Variants in WWOX observed in about 807,000 individuals in gnomAD.
The protein encoded by WWOX is WW domain-containing oxidoreductase.
Under a neutral mutation model 46.2 loss-of-function variants are expected in WWOX, and 69 were observed. That is an observed-to-expected ratio of 1.49 (90% CI 1.23 to 1.82). The LOEUF is 1.82. WWOX is among the 40% of genes most tolerant of loss of function. The pLI, the probability that WWOX is intolerant of heterozygous loss-of-function variation, is 0.00. For missense variants in WWOX, 919 were observed against 542.6 expected, an observed-to-expected ratio of 1.69 and a Z score of -6.89; for synonymous variants, 359 against 202.6, an observed-to-expected ratio of 1.77 and a Z score of -6.56.
chr16:78,503,347 C>T (rs568402345), intron 8 of WWOX, among the ~76,000 whole-genome samples: 2 of 152,152 alleles, frequency 1.3e-5, no homozygotes, highest in African/African-American at 4.8e-5. Context: ...CCAACTGTTC[C>T]ACTTTTGTAA....
chr16:78,734,089 G>C (rs1312332145), intron 8 of WWOX, among the ~76,000 whole-genome samples: 1 of 151,638 alleles, frequency 6.6e-6, no homozygotes, highest in Non-Finnish European at 1.5e-5. Flanking sequence ...AACTAAATAA[G>C]TCGTCCATCC....
rs1446931027 is a variant in WWOX at position 78,752,636 on chromosome 16, C to T, written c.1056+319884C>T. Among the ~76,000 whole-genome samples the T allele has an allele frequency of 4.6e-5, 7 of 152,182 alleles. No homozygotes were observed. The East Asian group carries it at 1.2e-3, about 25-fold the overall frequency. On this transcript the variant is annotated intron_variant, in intron 8 of 8. Transcript: ENST00000566780. The stretch of plus-strand genomic sequence containing the variant: ...CAGATTTTTAAACTCACTTTCAAAT[C>T]ATGATAAAATTCTTTAAGATAAACA...
Position 79,130,828 on chromosome 16 carries a change from C to T in WWOX, c.1057-80780C>T, listed in dbSNP as rs1329637820. 1.1e-4 allele frequency among the ~76,000 whole-genome samples: 16 copies of T among 152,284 alleles called. No homozygotes were observed. The East Asian group carries it at 2.9e-3, about 28-fold the overall frequency. On this transcript the variant is annotated intron_variant, in intron 8 of 8. Transcript: ENST00000566780. ...CTCCCCAGCAGTTCTTTGAGATTTC[C>T]ATGTTCTCCGCACAGTGCGGAGCTA...
intron 5 of WWOX, among the ~76,000 whole-genome samples, chr16:78,367,671 A>AT (rs1042272358): frequency 6.6e-6 from 1 of 152,124 alleles, no homozygotes; most frequent in Non-Finnish European, 1.5e-5. Context: ...AGGTTGTGTC[A>AT]TGGAGACAGC....
intron 8 of WWOX, among the ~76,000 whole-genome samples, chr16:78,937,745 C>T (rs1289048000): frequency 6.6e-6 from 1 of 151,958 alleles, no homozygotes; most frequent in African/African-American, 2.4e-5. Flanking sequence ...CTGCCTCAGC[C>T]TCCTGAGTAG....
At chr16:79,022,577 A>G (rs2047555891) in intron 8 of WWOX, among the ~76,000 whole-genome samples, 1 of 152,150 alleles carries the variant, frequency 6.6e-6, no homozygotes, top group Admixed American at 6.5e-5. Flanking sequence ...ACAAAGAGGA[A>G]TGGGGAAGGG....
chr16:78,645,785 A>T (rs1324538981), intron 8 of WWOX, among the ~76,000 whole-genome samples: 1 of 152,108 alleles, frequency 6.6e-6, no homozygotes, highest in African/African-American at 2.4e-5. Context: ...GAAGCAACAG[A>T]CATCCAAACT....
chr16:79,205,728 CTGGA>C (rs1192366687), intron 8 of WWOX: 1 of 152,108 alleles, frequency 6.6e-6, no homozygotes, highest in Non-Finnish European at 1.5e-5. Context: ...GTGTCTAAGG[CTGGA>C]TTGTTGAAGG....
intron 8 of WWOX, among the ~76,000 whole-genome samples, chr16:79,056,672 C>T (rs2048268279): frequency 6.6e-6 from 1 of 152,200 alleles, no homozygotes; most frequent in Non-Finnish European, 1.5e-5. Flanking sequence ...TGTCTCCAAA[C>T]ATTGCCAATC....
intron 8 of WWOX, among the ~76,000 whole-genome samples, chr16:78,685,002 T>C (rs2047822069): frequency 6.6e-6 from 1 of 152,198 alleles, no homozygotes; most frequent in African/African-American, 2.4e-5. Context: ...GTGATTTTTA[T>C]TCTGGGGTGT....
At chr16:78,761,421 C>A (rs1385322693) in intron 8 of WWOX, among the ~76,000 whole-genome samples, 1 of 152,118 alleles carries the variant, frequency 6.6e-6, no homozygotes. Context: ...CTGTTTAGTG[C>A]CCTCTCGGTT....
intron 8 of WWOX, among the ~76,000 whole-genome samples, chr16:78,728,107 C>A (rs562704865): frequency 7.1e-6 from 1 of 139,962 alleles, no homozygotes; most frequent in East Asian, 2.1e-4. Flanking sequence ...CTGTGTCACC[C>A]AAGCTGGAGT....
rs116238952 is a variant in WWOX at position 78,939,809 on chromosome 16, C to G, written c.1057-271799C>G. On this transcript the variant is annotated intron_variant, in intron 8 of 8. Coordinates refer to ENST00000566780, the MANE Select transcript of WWOX (RefSeq NM_016373.4). ...CCACTTCCCCTTTTAGCCTGCCTCCCTTCCGTCATCCTTCATCAAGGTGAC... is the reference window on the plus strand; with the variant it reads ...CCACTTCCCCTTTTAGCCTGCCTCCGTTCCGTCATCCTTCATCAAGGTGAC... Among the ~76,000 whole-genome samples, 967 of 152,316 alleles carry G rather than the reference C, an allele frequency of 6.3e-3. 10 individuals carry two copies. Among genetic ancestry groups the G allele is most frequent in the African/African-American group, 0.022 (924 of 41,568 alleles).
chr16:78,721,219 T>G (rs889636629), intron 8 of WWOX, among the ~76,000 whole-genome samples: 1 of 149,450 alleles, frequency 6.7e-6, no homozygotes. Context: ...ACAGTATCTT[T>G]AATTGATATG....
At chr16:78,456,798 C>G (rs1327138670) in intron 8 of WWOX, among the ~76,000 whole-genome samples, 1 of 152,162 alleles carries the variant, frequency 6.6e-6, no homozygotes, top group African/African-American at 2.4e-5. Flanking sequence ...AGTGCTGTGG[C>G]TTTTTAGTGA....
At chr16:78,897,390 T>G (rs1328429934) in intron 8 of WWOX, 1 of 152,172 alleles carries the variant, frequency 6.6e-6, no homozygotes, top group African/African-American at 2.4e-5. Flanking sequence ...TTGTTTTACC[T>G]GTTCTAGAAC....
chr16:78,245,448 T>C (rs1393553806), intron 5 of WWOX, among the ~76,000 whole-genome samples: 1 of 152,244 alleles, frequency 6.6e-6, no homozygotes, highest in Non-Finnish European at 1.5e-5. Context: ...TGAGAAGTCC[T>C]GATACATATT....
At chr16:78,263,352 C>T (rs2079287374) in intron 5 of WWOX, among the ~76,000 whole-genome samples, 1 of 152,186 alleles carries the variant, frequency 6.6e-6, no homozygotes, top group African/African-American at 2.4e-5. Flanking sequence ...GAGGCCATCT[C>T]CGATTGGTCC....
chr16:78,762,949 C>T (rs2049829414), intron 8 of WWOX, among the ~76,000 whole-genome samples: 1 of 152,164 alleles, frequency 6.6e-6, no homozygotes, highest in Non-Finnish European at 1.5e-5. Context: ...ACAACAATCA[C>T]AACAAAAGGC....
Sources: gnomAD v4.1 joint callset for allele counts (sites outside exome capture counted in the v4.1 genomes callset) on GRCh38, gnomAD v4.1.1 for gene constraint, MANE v1.5 for transcripts, NCBI Gene and HGNC (gene_info 2026-07-23, HGNC 2026-07-21) for gene names.